ASB17: variants seen among roughly 807,000 people sequenced by gnomAD.
ASB17 encodes ankyrin repeat and SOCS box protein 17.
Under a neutral mutation model 25.7 loss-of-function variants are expected in ASB17, and 26 were observed. The ratio of observed to expected loss-of-function variants is 1.01; its 90% CI spans 0.74 to 1.40. The LOEUF (loss-of-function observed/expected upper bound fraction) is 1.40, where lower values mean the gene tolerates loss of function less well. Among genes scored for constraint, ASB17 ranks in the 40% most tolerant of loss-of-function variants. The pLI is 0.00. For missense variants in ASB17, 326 were observed against 338.5 expected, an observed-to-expected ratio of 0.96 and a Z score of 0.29; for synonymous variants, 128 against 121.4, an observed-to-expected ratio of 1.05 and a Z score of -0.36.
rs1311767460 is a variant in ASB17, at chr1:75,931,922, C to G, written c.370G>C (p.Asp124His). 1.9e-6 allele frequency: 3 copies of G among 1,611,184 alleles called. No individual in the cohort carries two copies. The highest frequency in any genetic ancestry group is 2.5e-6 in the Non-Finnish European group (3 of 1,178,804). The change falls in exon 1 of 3, where the codon GAC (aspartate) becomes CAC (histidine). Residue 124 changes from aspartate to histidine, a missense_variant. Transcript: ENST00000284142. Reference protein sequence around the residue: ...LLKKTKDYVQDRSCNLALIWR... With the variant: ...LLKKTKDYVQHRSCNLALIWR... ...ATCAGTGCCAGGTTACAACTTCTGT[C>G]TTGAACATAGTCTTTTGTCTTCTTG... is the stretch of plus-strand genomic sequence containing the variant.
At chr1:75,920,732 G>T (rs563856710) in intron 2 of ASB17, among the ~76,000 whole-genome samples, 2 of 152,042 alleles carry the variant, frequency 1.3e-5, no homozygotes, top group Admixed American at 6.6e-5. Context: ...AGATGATTTT[G>T]GTCAACTAAC....
At chr1:75,920,238 G>A (rs186574574) in intron 2 of ASB17, among the ~76,000 whole-genome samples, 115 of 152,278 alleles carry the variant, frequency 7.6e-4, no homozygotes, top group African/African-American at 2.6e-3. Flanking sequence ...GTCTAGAAAG[G>A]CATCTTTTAA....
chr1:75,923,169 C>A (rs531109006), intron 1 of ASB17, among the ~76,000 whole-genome samples: 1 of 152,102 alleles, frequency 6.6e-6, no homozygotes, highest in African/African-American at 2.4e-5. Context: ...GGAATAAATA[C>A]AACTATCTTA....
At chr1:75,928,748 A>C (rs759060329) in intron 1 of ASB17, among the ~76,000 whole-genome samples, 1 of 152,210 alleles carries the variant, frequency 6.6e-6, no homozygotes, top group African/African-American at 2.4e-5. Flanking sequence ...AATCAAATAA[A>C]GCTGCTTCAA....
chr1:75,930,114 T>C (rs547150865), intron 1 of ASB17, among the ~76,000 whole-genome samples: 32 of 151,236 alleles, frequency 2.1e-4, no homozygotes, highest in South Asian at 1.7e-3. Flanking sequence ...TTGAGAGTCA[T>C]TGGCATATAC....
At chr1:75,919,655 C>T (rs71656864) in intron 2 of ASB17, among the ~76,000 whole-genome samples, 41,283 of 151,936 alleles carry the variant, frequency 0.27, 7,187 homozygotes, top group East Asian at 0.7. Context: ...TTTGTTCTTG[C>T]GATAGTTTAC....
intron 1 of ASB17, among the ~76,000 whole-genome samples, chr1:75,925,463 A>T (rs1653146727): frequency 6.6e-6 from 1 of 152,150 alleles, no homozygotes; most frequent in African/African-American, 2.4e-5. Flanking sequence ...TGTTGAAAAC[A>T]TGACTAAAAC....
chr1:75,924,206 CT>C (rs1370905964), intron 1 of ASB17, among the ~76,000 whole-genome samples: 1 of 152,066 alleles, frequency 6.6e-6, no homozygotes, highest in Non-Finnish European at 1.5e-5. Flanking sequence ...GCAGAACTAG[CT>C]ATAGAAGATA....
intron 1 of ASB17, 125 bp from the exon 2 acceptor site, chr1:75,922,484 G>GTTTAT: frequency 2.9e-5 from 5 of 172,134 alleles, no homozygotes; most frequent in South Asian, 1.9e-4. Flanking sequence ...AACTTTATAT[G>GTTTAT]TTTCTTTTTT....
intron 2 of ASB17, among the ~76,000 whole-genome samples, chr1:75,920,076 C>T (rs1652986611): frequency 6.6e-6 from 1 of 152,188 alleles, no homozygotes; most frequent in African/African-American, 2.4e-5. Flanking sequence ...TCAGGCCCTA[C>T]TCCACAAATT....
chr1:75,922,121 A>G lies in ASB17; in HGVS notation c.640T>C (p.Cys214Arg). The G allele has an allele frequency of 1.9e-6, 3 of 1,613,828 alleles. No homozygotes were observed. The highest frequency in any genetic ancestry group is 2.5e-6 in the Non-Finnish European group (3 of 1,179,860). ...GAAATGACAGAAAGCACTCTGGAAC[A>G]TAGTACCAAACATGTTTTGGCATCT... ...HEDAKTCLVL[C>R]SRVLSVISVK... The change falls in exon 2 of 3, where the codon TGT becomes CGT. Residue 214 changes from cysteine (C) to arginine (R), a missense_variant. By Grantham distance (180) the Cys-to-Arg change is radical. Transcript: ENST00000284142.
chr1:75,922,004 T>C, intron 2 of ASB17, 76 bp downstream of exon 2: 1 of 1,254,538 alleles, frequency 8.0e-7, no homozygotes, highest in East Asian at 2.5e-5. Flanking sequence ...AAAAATTAAC[T>C]GTATTCTTTC....
intron 1 of ASB17, among the ~76,000 whole-genome samples, chr1:75,930,754 A>G (rs1377533039): frequency 1.3e-5 from 2 of 152,078 alleles, no homozygotes; most frequent in African/African-American, 4.8e-5. Flanking sequence ...TTTAATTTTT[A>G]AAAATTTATT....
At chr1:75,922,020 C>T in intron 2 of ASB17, 60 bp downstream of exon 2, 2 of 1,374,044 alleles carry the variant, frequency 1.5e-6, no homozygotes, top group East Asian at 2.3e-5. Context: ...CTTTCCTTTA[C>T]AGTTGAATCT....
At chr1:75,919,632 C>T (rs898663094) in intron 2 of ASB17, among the ~76,000 whole-genome samples, 16 of 152,070 alleles carry the variant, frequency 1.1e-4, no homozygotes, top group African/African-American at 2.9e-4. Flanking sequence ...TGACAATATG[C>T]GGTGTTTGGT....
intron 1 of ASB17, among the ~76,000 whole-genome samples, chr1:75,930,673 C>T (rs1024662387): frequency 1.3e-5 from 2 of 152,202 alleles, no homozygotes; most frequent in South Asian, 4.2e-4. Context: ...TTGTTAATGG[C>T]ACCCTATCAT....
intron 1 of ASB17, 41 bp from the exon 2 acceptor site, chr1:75,922,400 T>G (rs1415092331): frequency 7.0e-7 from 1 of 1,427,540 alleles, no homozygotes; most frequent in South Asian, 1.6e-5. Flanking sequence ...GATATAGAAT[T>G]AAGAAATGTG....
chr1:75,931,363 T>C (rs1319945158), intron 1 of ASB17, among the ~76,000 whole-genome samples: 1 of 152,206 alleles, frequency 6.6e-6, no homozygotes, highest in Non-Finnish European at 1.5e-5. Flanking sequence ...ATGTGAACAC[T>C]ATAAAAATTT....
Position 75,922,168 on chromosome 1 carries a change from C to A in ASB17, c.593G>T (p.Arg198Leu), listed in dbSNP as rs368584559. Reference protein sequence around the residue: ...YPSRVRVMVDRELADIHEDAK... With the variant: ...YPSRVRVMVDLELADIHEDAK... The stretch of plus-strand genomic sequence containing the variant: ...ATCTTCATGGATGTCAGCCAATTCA[C>A]GATCAACCATTACTCTTACTCTCGA... The change falls in exon 2 of 3, where the codon CGT becomes CTT. Residue 198 changes from arginine to leucine, a missense_variant. Coordinates refer to ENST00000284142, the MANE Select transcript of ASB17 (RefSeq NM_080868.3). 1 of 1,613,566 alleles carries A rather than the reference C, an allele frequency of 6.2e-7. No homozygotes were observed. The highest frequency in any genetic ancestry group is 8.5e-7 in the Non-Finnish European group (1 of 1,179,732).
Sources: allele counts gnomAD v4.1 joint callset (sites outside exome capture counted in the v4.1 genomes callset), GRCh38; gene constraint gnomAD v4.1.1; transcripts MANE v1.5; gene names NCBI Gene and HGNC (gene_info 2026-07-23, HGNC 2026-07-21).